GBP7: variants seen among roughly 807,000 people sequenced by gnomAD.
GBP7 encodes guanylate-binding protein 7.
GBP7 carries 43 observed loss-of-function variants against 61.3 expected under a neutral mutation model. The ratio of observed to expected loss-of-function variants is 0.70; its 90% confidence interval spans 0.55 to 0.91. The LOEUF is 0.91. Ranked by LOEUF, GBP7 falls within the 40% of genes least tolerant of loss-of-function variation. The pLI, the probability that GBP7 is intolerant of heterozygous loss-of-function variation, is 0.00. For synonymous variants in GBP7, 267 were observed against 271.0 expected (o/e 0.99, Z 0.14); for missense variants, 717 against 740.5 (o/e 0.97, Z 0.37).
At chr1:89,155,183 C>T (rs1682287300) in intron 3 of GBP7, among the ~76,000 whole-genome samples, 1 of 152,152 alleles carries the variant, frequency 6.6e-6, no homozygotes, top group African/African-American at 2.4e-5. Context: ...GACATCCACA[C>T]CAAAACCCCA....
intron 8 of GBP7, among the ~76,000 whole-genome samples, chr1:89,145,532 TG>T (rs1048648292): frequency 3.3e-5 from 5 of 152,238 alleles, no homozygotes; most frequent in African/African-American, 1.2e-4. Flanking sequence ...GCAATGAACA[TG>T]GGAGTGAAAA....
chr1:89,132,197 G>A lies in GBP7; in HGVS notation c.1869C>T (p.Ser623=). The stretch of plus-strand genomic sequence containing the variant: ...GATTTCTCAGCCTATTACATAATGA[G>A]CTAAGAATTTTCATTCCTAAATCAA... ...KLVDLGMKIL[S]SLCNRLRNPG... is the part of the protein sequence containing the mutation. The change falls in exon 11 of 11, where the codon AGC becomes AGT. Residue 623 remains serine, a synonymous_variant. Coordinates refer to ENST00000294671, the MANE Select transcript of GBP7 (RefSeq NM_207398.3). 1.2e-6 allele frequency: 2 copies of A among 1,612,718 alleles called. No individual in the cohort carries two copies. The highest frequency in any genetic ancestry group is 2.7e-5 in the African/African-American group (2 of 75,008).
chr1:89,154,656 C>CT lies in GBP7; in HGVS notation c.319-1880dup, dbSNP rs750224571. Among the ~76,000 whole-genome samples, 388 of 141,338 alleles carry CT rather than the reference C, an allele frequency of 2.7e-3. 2 individuals carry two copies. The highest frequency in any genetic ancestry group is 0.012 in the South Asian group (51 of 4,424). 92.7% of individuals were successfully genotyped at this position (141,338 alleles called of 152,430 possible). On this transcript the variant is annotated intron_variant, in intron 3 of 10. Coordinates refer to ENST00000294671, the MANE Select transcript of GBP7 (RefSeq NM_207398.3). ...GCGACCACACCTGGCCTCTATTTTC[C>CT]TTTTTTTTTTTTTAACTTTAAATTT...
chr1:89,140,751 A>G (rs567286148), intron 9 of GBP7, among the ~76,000 whole-genome samples: 3 of 152,210 alleles, frequency 2.0e-5, no homozygotes, highest in Non-Finnish European at 4.4e-5. Flanking sequence ...ATGAATGTGC[A>G]TGTTCATCGG....
Position 89,171,890 on chromosome 1 carries a change from T to C in GBP7, c.46A>G (p.Asn16Asp). ...TTCACCACCAGATGCCCTTTAGTGT[T>C]CTCAGTGAGGCACACTGGGCCTGGC... ...HMPGPVCLTENTKGHLVVNSE... is the reference protein window; with the variant it reads ...HMPGPVCLTEDTKGHLVVNSE... Residue 16 changes from asparagine to aspartate, a missense_variant, in exon 2 of 11, where the codon AAC becomes GAC. Asn to Asp is a conservative substitution (Grantham distance 23). Coordinates refer to ENST00000294671, the MANE Select transcript of GBP7 (RefSeq NM_207398.3). The C allele has an allele frequency of 6.2e-7, 1 of 1,613,652 alleles. No homozygotes were observed. Among genetic ancestry groups the C allele is most frequent in the Non-Finnish European group, 8.5e-7 (1 of 1,179,740 alleles).
At chr1:89,173,173 C>A (rs1647651172) in intron 1 of GBP7, among the ~76,000 whole-genome samples, 1 of 152,074 alleles carries the variant, frequency 6.6e-6, no homozygotes, top group Non-Finnish European at 1.5e-5. Context: ...TCTAACATTT[C>A]TCCCAGTATC....
chr1:89,149,298 C>A lies in GBP7; in HGVS notation c.1146G>T (p.Lys382Asn), dbSNP rs749396805. 3.3e-5 allele frequency: 52 copies of A among 1,599,356 alleles called. No homozygotes were observed. The East Asian group carries it at 1.1e-3, about 34-fold the overall frequency. ...FKDKSQEFQK[K>N]LVDTMEKKKE... Reference sequence around the variant, plus strand: ...AAAAAATAACAAAGATTACCACAAGCTTCTTCTGAAATTCCTGGCTTTTAT... The same window carrying A: ...AAAAAATAACAAAGATTACCACAAGATTCTTCTGAAATTCCTGGCTTTTAT... Residue 382 changes from lysine (K) to asparagine (N), a missense_variant, in exon 7 of 11, where the codon AAG becomes AAT. Physicochemically the swap from Lys to Asn is moderately conservative, Grantham distance 94. This residue lies in a region of GBP7 where 312 missense variants were observed against 310.1 expected (regional missense o/e 1.01). Transcript: ENST00000294671.
rs527495745 is a variant in GBP7, at chr1:89,152,205, G to A, written c.625+63C>T. On this transcript the variant is annotated intron_variant, in intron 5 of 10. Transcript: ENST00000294671. Reference sequence around the variant, plus strand: ...TAAAAATTTGTGTCAGGTGTTGAACGGTAGGTCCTAGTTGATCCCACCCGC... The same window carrying A: ...TAAAAATTTGTGTCAGGTGTTGAACAGTAGGTCCTAGTTGATCCCACCCGC... The A allele has an allele frequency of 1.1e-3, 1,531 of 1,448,590 alleles. 30 individuals are homozygous for A. The South Asian group carries it at 0.018, about 17-fold the overall frequency. 89.7% of individuals were successfully genotyped at this position (1,448,590 alleles called of 1,614,324 possible). A position where few individuals can be genotyped will look rare whatever the true frequency, so the allele number is the denominator to read the frequency against.
At chr1:89,144,018 A>G (rs1227438005) in intron 8 of GBP7, among the ~76,000 whole-genome samples, 3 of 152,070 alleles carry the variant, frequency 2.0e-5, no homozygotes, top group Non-Finnish European at 2.9e-5. Flanking sequence ...TTTCAACCCT[A>G]CTTCCCTCCC....
At chr1:89,164,363 C>A (rs558216164) in intron 3 of GBP7, among the ~76,000 whole-genome samples, 168 of 152,296 alleles carry the variant, frequency 1.1e-3, no homozygotes, top group African/African-American at 3.4e-3. Flanking sequence ...AGCATCTGAG[C>A]ACTCTAAATG....
rs750373956 is a variant in GBP7, at chr1:89,132,400, G to A, written c.1666C>T (p.Leu556=). Residue 556 remains leucine (L), a synonymous_variant, in exon 11 of 11, where the codon CTA becomes TTA. Transcript: ENST00000294671. ...AATCCTTCAGTAAGCAGTTCTTCTAGGACCTATAAAAGTAAAAGAGCCTAC... is the reference window on the plus strand; with the variant it reads ...AATCCTTCAGTAAGCAGTTCTTCTAAGACCTATAAAAGTAAAAGAGCCTAC... ...RKMLSHKMKV[L]EELLTEGFKE... is the part of the protein sequence containing the mutation. 6.3e-7 allele frequency: 1 copy of A among 1,588,904 alleles called. No individual in the cohort carries two copies. Among genetic ancestry groups the A allele is most frequent in the East Asian group, 2.2e-5 (1 of 44,736 alleles).
intron 9 of GBP7, among the ~76,000 whole-genome samples, chr1:89,135,332 G>C (rs113218100): frequency 0.02 from 3,052 of 152,116 alleles, 112 homozygotes; most frequent in African/African-American, 0.069. Context: ...ATTCAAATTC[G>C]GGAAATCAGA....
chr1:89,163,490 G>A (rs150039699), intron 3 of GBP7, among the ~76,000 whole-genome samples: 1 of 151,802 alleles, frequency 6.6e-6, no homozygotes, highest in Non-Finnish European at 1.5e-5. Flanking sequence ...TCCCAGTTAA[G>A]TCTTGAGAGG....
At chr1:89,140,254 C>T (rs2100638799) in intron 9 of GBP7, among the ~76,000 whole-genome samples, 1 of 130,018 alleles carries the variant, frequency 7.7e-6, no homozygotes, top group African/African-American at 3.0e-5. Context: ...AACACATGGA[C>T]ACAGGAACAG....
At chr1:89,154,348 C>T (rs890221224) in intron 3 of GBP7, among the ~76,000 whole-genome samples, 1 of 152,078 alleles carries the variant, frequency 6.6e-6, no homozygotes, top group Non-Finnish European at 1.5e-5. Context: ...GCCAAAAATT[C>T]TATTTTCTTT....
At chr1:89,175,042 T>C (rs551410618) in intron 1 of GBP7, among the ~76,000 whole-genome samples, 7 of 152,234 alleles carry the variant, frequency 4.6e-5, no homozygotes, top group Non-Finnish European at 1.0e-4. Context: ...AGCCTTCTTG[T>C]AGTGATGCTT....
rs1413751250 is a variant in GBP7 at position 89,171,915 on chromosome 1, C to T, written c.21G>A (p.Met7Ile). The change falls in exon 2 of 11, where the codon ATG (methionine) becomes ATA (isoleucine). Residue 7 changes from methionine (M) to isoleucine (I), a missense_variant. Coordinates refer to ENST00000294671, the MANE Select transcript of GBP7 (RefSeq NM_207398.3). ...TCTCAGTGAGGCACACTGGGCCTGG[C>T]ATGTGGATCTCTGATGCCATGTTCA... MASEIH[M>I]PGPVCLTENT... The T allele has an allele frequency of 6.2e-7, 1 of 1,612,678 alleles. No homozygotes were observed. The highest frequency in any genetic ancestry group is 8.5e-7 in the Non-Finnish European group (1 of 1,179,096).
chr1:89,134,335 C>T lies in GBP7; in HGVS notation c.1469-884G>A, dbSNP rs576205804. ...CAACCTGCCACCACCAATGCACATG[C>T]ACAGAACCTGCAGCACTACTGCCCT... On this transcript the variant is annotated intron_variant, in intron 9 of 10. Transcript: ENST00000294671. 1.2e-4 allele frequency among the ~76,000 whole-genome samples: 19 copies of T among 152,328 alleles called. No homozygotes were observed. In the South Asian group the frequency reaches 3.9e-3, roughly 32 times the overall value.
At position 89,160,624 on chromosome 1, in the gene GBP7, A is replaced by C. The variant is rs566236619; in HGVS notation, c.318+4107T>G. Among the ~76,000 whole-genome samples the C allele has an allele frequency of 2.6e-5, 4 of 152,310 alleles. No individual in the cohort carries two copies. In the South Asian group the frequency reaches 8.3e-4, roughly 32 times the overall value. ...TTATTATTTACTGAGTGCTTAGAAT[A>C]GTTCCTGGCACATAGTTAGTGCTAT... On this transcript the variant is annotated intron_variant, in intron 3 of 10. Coordinates refer to ENST00000294671, the MANE Select transcript of GBP7 (RefSeq NM_207398.3).
Sources: gnomAD v4.1 joint callset for allele counts (sites outside exome capture counted in the v4.1 genomes callset) on GRCh38, gnomAD v4.1.1 for gene constraint, gnomAD v4.1.1 regional missense constraint, MANE v1.5 for transcripts, NCBI Gene and HGNC (gene_info 2026-07-23, HGNC 2026-07-21) for gene names.